The following DOCK8 variants were observed in gnomAD, a reference collection of about 807,000 sequenced individuals.
DOCK8 encodes the protein dedicator of cytokinesis 8, also known as dedicator of cytokinesis protein 8.
In DOCK8, 141 loss-of-function variants were observed where a neutral mutation model predicts 245.6. The ratio of observed to expected loss-of-function variants is 0.57; its 90% confidence interval spans 0.50 to 0.66. The LOEUF (loss-of-function observed/expected upper bound fraction) is 0.66. Among genes scored for constraint, DOCK8 ranks in the 30% least tolerant of loss-of-function variants. DOCK8 has a pLI of 0.00. For synonymous variants in DOCK8, 1,168 were observed against 970.2 expected, an observed-to-expected ratio of 1.20 and a Z score of -3.79; for missense variants, 2,965 against 2,603.4, an observed-to-expected ratio of 1.14 and a Z score of -3.02.
chr9:400,013 TCACCACCAC>T (rs760976824), intron 26 of DOCK8, among the ~76,000 whole-genome samples: 5 of 45,730 alleles, frequency 1.1e-4, no homozygotes, highest in African/African-American at 3.0e-4. Flanking sequence ...ACCTCCACCA[TCACCACCAC>T]CTCCACCATC....
At chr9:403,672 T>G (rs2055216387) in intron 26 of DOCK8, among the ~76,000 whole-genome samples, 1 of 151,712 alleles carries the variant, frequency 6.6e-6, no homozygotes, top group Non-Finnish European at 1.5e-5. Flanking sequence ...GAGACCAGCT[T>G]GGCCAATATG....
chr9:355,940 A>G (rs1459361021), intron 14 of DOCK8, among the ~76,000 whole-genome samples: 2 of 152,296 alleles, frequency 1.3e-5, no homozygotes, highest in African/African-American at 2.4e-5. Context: ...AGTAGTTCCA[A>G]TCCTTCCCCC....
chr9:287,408 A>G (rs750310623), intron 3 of DOCK8, among the ~76,000 whole-genome samples: 3 of 152,214 alleles, frequency 2.0e-5, no homozygotes, highest in Non-Finnish European at 4.4e-5. Flanking sequence ...ATTTACATTT[A>G]TTTTAAAAGC....
intron 8 of DOCK8, among the ~76,000 whole-genome samples, chr9:326,306 A>G (rs562908787): frequency 6.6e-6 from 1 of 152,342 alleles, no homozygotes; most frequent in African/African-American, 2.4e-5. Context: ...ACCCATAATC[A>G]TTCTGTATTT....
At chr9:429,604 CT>C (rs1405536646) in intron 35 of DOCK8, 97 bp from the exon 36 acceptor site, 2 of 1,447,874 alleles carry the variant, frequency 1.4e-6, no homozygotes, top group Non-Finnish European at 9.7e-7. Flanking sequence ...CTCTTCTAGG[CT>C]TTTTGCTTGT....
chr9:401,825 G>A (rs568067780), intron 26 of DOCK8, among the ~76,000 whole-genome samples: 33 of 152,240 alleles, frequency 2.2e-4, no homozygotes, highest in African/African-American at 7.5e-4. Context: ...AACGCACGCA[G>A]TCTCATCTAA....
At chr9:275,568 C>T (rs528906920) in intron 2 of DOCK8, among the ~76,000 whole-genome samples, 15 of 152,100 alleles carry the variant, frequency 9.9e-5, no homozygotes, top group Non-Finnish European at 1.8e-4. Context: ...ATTTAAACAG[C>T]TCTGTTATTT....
chr9:441,927 A>T lies in DOCK8; in HGVS notation c.5408A>T (p.Lys1803Ile). ...TYFRVGFFGS[K>I]FGDLDEQEFV... Reference sequence around the variant, plus strand: ...TTCCGAGTTGGTTTCTTTGGATCCAAATTTGGGGATTTGGATGAACAGGAG... The same window carrying T: ...TTCCGAGTTGGTTTCTTTGGATCCATATTTGGGGATTTGGATGAACAGGAG... The change falls in exon 42 of 48, where the codon AAA (lysine) becomes ATA (isoleucine). Residue 1803 changes from lysine (K) to isoleucine (I), a missense_variant. By Grantham distance (102) the Lys-to-Ile change is moderately radical. Around this residue, in one of 3 missense-constraint regions of DOCK8, gnomAD observed 2,825 missense variants for 2,453.5 expected, o/e 1.15. Coordinates refer to ENST00000432829, the MANE Select transcript of DOCK8 (RefSeq NM_203447.4). The T allele has an allele frequency of 6.2e-7, 1 of 1,614,144 alleles. No individual in the cohort carries two copies. Among genetic ancestry groups the T allele is most frequent in the Non-Finnish European group, 8.5e-7 (1 of 1,180,028 alleles).
At chr9:427,002 A>G (rs548940749) in intron 34 of DOCK8, 21 bp downstream of exon 34, 6 of 1,589,758 alleles carry the variant, frequency 3.8e-6, no homozygotes, top group African/African-American at 1.3e-5. Flanking sequence ...CAAACACCCA[A>G]TCTGATTTGT....
chr9:428,581 A>G (rs1034955673), intron 35 of DOCK8, 85 bp downstream of exon 35: 4 of 1,524,830 alleles, frequency 2.6e-6, no homozygotes, highest in African/African-American at 2.7e-5. Flanking sequence ...AGGTGGACCA[A>G]AAGTCACAGA....
At position 350,587 on chromosome 9, in the gene DOCK8, T is replaced by C. The variant is rs116925885; in HGVS notation, c.1679+10266T>C. Among the ~76,000 whole-genome samples the C allele has an allele frequency of 1.6e-4, 24 of 152,306 alleles. No homozygotes were observed. In the East Asian group the frequency reaches 4.4e-3, roughly 28 times the overall value. ...GGGTTTGGTTTTCTGGCAGGTTTTC[T>C]TTCATTTTAATAACGAGCCAACCCA... is the stretch of plus-strand genomic sequence containing the variant. On this transcript the variant is annotated intron_variant, in intron 14 of 47. Transcript: ENST00000432829.
intron 2 of DOCK8, among the ~76,000 whole-genome samples, chr9:280,588 C>T (rs571830423): frequency 6.6e-6 from 1 of 152,340 alleles, no homozygotes; most frequent in African/African-American, 2.4e-5. Context: ...AGAGCCTCTA[C>T]CTTCTTAGAA....
chr9:255,283 C>T (rs1209944874), intron 1 of DOCK8, among the ~76,000 whole-genome samples: 1 of 152,098 alleles, frequency 6.6e-6, no homozygotes, highest in Non-Finnish European at 1.5e-5. Context: ...GAGTTGAAGA[C>T]AGGTAATAAG....
At chr9:327,087 T>C (rs555849831) in intron 8 of DOCK8, among the ~76,000 whole-genome samples, 1 of 152,312 alleles carries the variant, frequency 6.6e-6, no homozygotes, top group South Asian at 2.1e-4. Flanking sequence ...CTCTACCTTC[T>C]TTCCATCCAT....
At position 377,138 on chromosome 9, in the gene DOCK8, G is replaced by T; in HGVS notation, c.2367G>T (p.Val789=). ...CLNSSRLEPL[V]LFLHLVLDKL... ...ACTCCTCCCGCCTGGAGCCGCTCGTGCTCTTCCTGCACCTGGTGCTGGACA... is the reference window on the plus strand; with the variant it reads ...ACTCCTCCCGCCTGGAGCCGCTCGTTCTCTTCCTGCACCTGGTGCTGGACA... The change falls in exon 20 of 48, where the codon GTG becomes GTT. Residue 789 remains valine, a synonymous_variant. Coordinates refer to ENST00000432829, the MANE Select transcript of DOCK8 (RefSeq NM_203447.4). 6.2e-7 allele frequency: 1 copy of T among 1,608,052 alleles called. No individual in the cohort carries two copies. Among genetic ancestry groups the T allele is most frequent in the Non-Finnish European group, 8.5e-7 (1 of 1,179,732 alleles).
At chr9:247,319 A>C (rs1022551837) in intron 1 of DOCK8, among the ~76,000 whole-genome samples, 1 of 152,184 alleles carries the variant, frequency 6.6e-6, no homozygotes, top group African/African-American at 2.4e-5. Flanking sequence ...CTGCTTCCAC[A>C]TTTCCTAAGT....
chr9:349,062 T>A (rs7864153), intron 14 of DOCK8, among the ~76,000 whole-genome samples: 49,289 of 152,038 alleles, frequency 0.32, 9,905 homozygotes, highest in African/African-American at 0.56. Flanking sequence ...AGATCGTCTT[T>A]TACTCAGGCA....
chr9:250,832 G>T (rs1328041160), intron 1 of DOCK8, among the ~76,000 whole-genome samples: 1 of 152,186 alleles, frequency 6.6e-6, no homozygotes, highest in Non-Finnish European at 1.5e-5. Flanking sequence ...TCCAGCAAAA[G>T]GTCTTTAGTG....
intron 33 of DOCK8, among the ~76,000 whole-genome samples, chr9:426,264 C>G (rs1254428555): frequency 6.6e-6 from 1 of 152,162 alleles, no homozygotes; most frequent in Non-Finnish European, 1.5e-5. Flanking sequence ...CCAGTAATGT[C>G]CGGCAGGATA....
Sources: gnomAD v4.1 joint callset for allele counts (sites outside exome capture counted in the v4.1 genomes callset) on GRCh38, gnomAD v4.1.1 for gene constraint, gnomAD v4.1.1 regional missense constraint, MANE v1.5 for transcripts, NCBI Gene and HGNC (gene_info 2026-07-23, HGNC 2026-07-21) for gene names.